The following MAB21L3 variants were observed in gnomAD, a reference collection of about 807,000 sequenced individuals.
MAB21L3 encodes protein mab-21-like 3.
Under a neutral mutation model 37.7 loss-of-function variants are expected in MAB21L3, and 36 were observed. The ratio of observed to expected loss-of-function variants is 0.96; its 90% CI spans 0.73 to 1.26. MAB21L3 has a LOEUF of 1.26. Among genes scored for constraint, MAB21L3 ranks in the 50% most tolerant of loss-of-function variants. The pLI, the probability that MAB21L3 is intolerant of heterozygous loss-of-function variation, is 0.00. For missense variants in MAB21L3, 430 were observed against 447.3 expected (o/e 0.96, Z 0.35); for synonymous variants, 186 against 176.8 (o/e 1.05, Z -0.41).
In MAB21L3 at chr1:116,124,152, C is replaced by T. The variant is rs763523595; in HGVS notation, c.276C>T (p.Tyr92=). ...YREAREQHWR[Y]YTLQGTRLPC... ...AGGCCAGGGAGCAGCACTGGCGGTA[C>T]TACACACTGCAGGGCACCAGGCTGC... The change falls in exon 5 of 8, where the codon TAC becomes TAT. Residue 92 remains tyrosine, a synonymous_variant. Coordinates refer to ENST00000369500, the MANE Select transcript of MAB21L3 (RefSeq NM_152367.3). The T allele has an allele frequency of 6.2e-7, 1 of 1,614,256 alleles. No homozygotes were observed. The highest frequency in any genetic ancestry group is 8.5e-7 in the Non-Finnish European group (1 of 1,180,044).
intron 3 of MAB21L3, among the ~76,000 whole-genome samples, chr1:116,117,162 C>CATACATATATATAT (rs1553230659): frequency 3.5e-5 from 4 of 114,570 alleles, no homozygotes; most frequent in African/African-American, 1.4e-4. Context: ...AATATACATA[C>CATACATATATATAT]ATATATATAT....
intron 3 of MAB21L3, among the ~76,000 whole-genome samples, chr1:116,116,836 A>G (rs930167856): frequency 4.6e-5 from 7 of 152,146 alleles, no homozygotes; most frequent in African/African-American, 1.7e-4. Flanking sequence ...TCTTATTCTG[A>G]CTTTCACCTT....
At chr1:116,115,785 G>C (rs1210191983) in intron 3 of MAB21L3, among the ~76,000 whole-genome samples, 3 of 152,216 alleles carry the variant, frequency 2.0e-5, no homozygotes, top group African/African-American at 7.2e-5. Context: ...AGCAGCAAAT[G>C]ACTTGTGGGG....
Position 116,121,072 on chromosome 1 carries a change from G to C in MAB21L3, c.189G>C (p.Lys63Asn), listed in dbSNP as rs1659736158. ...PYSDTYNENI[K>N]VLAPSQFLVT... Reference sequence around the variant, plus strand: ...CTGACACGTACAATGAAAATATTAAGGTAAGCAAGTCTTGCTGTCTCTAAG... The same window carrying C: ...CTGACACGTACAATGAAAATATTAACGTAAGCAAGTCTTGCTGTCTCTAAG... The change falls in exon 4 of 8, where the codon AAG becomes AAC. Residue 63 changes from lysine to asparagine, a missense_variant and splice_region_variant. Transcript: ENST00000369500. 6.2e-7 allele frequency: 1 copy of C among 1,612,426 alleles called. No individual in the cohort carries two copies. Among genetic ancestry groups the C allele is most frequent in the African/African-American group, 1.3e-5 (1 of 74,842 alleles).
Position 116,133,404 on chromosome 1 carries a change from C to G in MAB21L3, c.*39C>G, listed in dbSNP as rs1660129965. On this transcript the variant is annotated 3_prime_UTR_variant, in exon 8 of 8. Transcript: ENST00000369500. The stretch of plus-strand genomic sequence containing the variant: ...CTGGGAGGCTCTTGGACATTTTATT[C>G]TGGCTTAACATTGTTCTTTGGATGG... The G allele has an allele frequency of 3.8e-6, 6 of 1,570,002 alleles. No homozygotes were observed. In the East Asian group the frequency reaches 1.3e-4, roughly 35 times the overall value.
intron 3 of MAB21L3, among the ~76,000 whole-genome samples, chr1:116,115,287 C>T (rs1659556702): frequency 6.6e-6 from 1 of 152,170 alleles, no homozygotes; most frequent in South Asian, 2.1e-4. Context: ...TGCAAATATT[C>T]TGCGTGACCC....
In MAB21L3 at chr1:116,134,848, T is replaced by TC. The variant is rs1660168275; in HGVS notation, c.*1484dup. ...TTCTCGGTGAGATCAATGGTTTTTT[T>TC]CTGGCGTTTATGTAATGCTTCTCAA... On this transcript the variant is annotated 3_prime_UTR_variant, in exon 8 of 8. Transcript: ENST00000369500. 6.6e-6 allele frequency: 1 copy of TC among 152,154 alleles called. No homozygotes were observed. The highest frequency in any genetic ancestry group is 2.4e-5 in the African/African-American group (1 of 41,426). 9.4% of individuals were successfully genotyped at this position (152,154 alleles called of 1,614,324 possible).
intron 5 of MAB21L3, among the ~76,000 whole-genome samples, chr1:116,126,204 G>A (rs547564117): frequency 1.1e-3 from 172 of 152,240 alleles, no homozygotes; most frequent in African/African-American, 3.2e-3. Context: ...AGCAAATAAG[G>A]ATGAATAGAT....
rs1306633223 is a variant in MAB21L3, at chr1:116,135,832, A to T, written c.*2467A>T. 6.6e-6 allele frequency among the ~76,000 whole-genome samples: 1 copy of T among 150,764 alleles called. No individual in the cohort carries two copies. Among genetic ancestry groups the T allele is most frequent in the Non-Finnish European group, 1.5e-5 (1 of 67,062 alleles). On this transcript the variant is annotated 3_prime_UTR_variant, in exon 8 of 8. Transcript: ENST00000369500. ...TGCAAGGCTGGTTCAATATACGCAAATCAATAAATGTAATCCAGCATATAA... is the reference window on the plus strand; with the variant it reads ...TGCAAGGCTGGTTCAATATACGCAATTCAATAAATGTAATCCAGCATATAA...
chr1:116,127,259 T>C (rs1659934219), intron 5 of MAB21L3, among the ~76,000 whole-genome samples: 2 of 152,210 alleles, frequency 1.3e-5, no homozygotes, highest in Non-Finnish European at 2.9e-5. Flanking sequence ...GTTCCGATGC[T>C]GGCTAGCTGA....
In MAB21L3 at chr1:116,135,740, G is replaced by A. The variant is rs1182588785; in HGVS notation, c.*2375G>A. Among the ~76,000 whole-genome samples, 1 of 152,168 alleles carries A rather than the reference G, an allele frequency of 6.6e-6. No homozygotes were observed. The highest frequency in any genetic ancestry group is 1.5e-5 in the Non-Finnish European group (1 of 68,042). ...TGCAAAAATCCTCAGTAAAATTCTG[G>A]CAAACCGAATCCAGCAGCACATCAA... On this transcript the variant is annotated 3_prime_UTR_variant, in exon 8 of 8. Coordinates refer to ENST00000369500, the MANE Select transcript of MAB21L3 (RefSeq NM_152367.3).
intron 3 of MAB21L3, among the ~76,000 whole-genome samples, chr1:116,118,224 A>G (rs1659646462): frequency 6.6e-6 from 1 of 152,116 alleles, no homozygotes; most frequent in African/African-American, 2.4e-5. Flanking sequence ...TCTACTAAAA[A>G]TACAAAAATT....
intron 6 of MAB21L3, 151 bp from the exon 7 acceptor site, chr1:116,127,994 G>A: frequency 1.3e-6 from 1 of 775,368 alleles, no homozygotes; most frequent in Non-Finnish European, 2.0e-6. Flanking sequence ...GGTGGCTTGT[G>A]GTCTCCCTGG....
intron 4 of MAB21L3, 140 bp downstream of exon 4, chr1:116,121,212 C>A: frequency 1.1e-6 from 1 of 906,174 alleles, no homozygotes; most frequent in South Asian, 1.7e-5. Context: ...TTAGTTTTTA[C>A]TATTTACAGT....
intron 5 of MAB21L3, among the ~76,000 whole-genome samples, chr1:116,125,641 C>T (rs1452569894): frequency 6.9e-6 from 1 of 145,760 alleles, no homozygotes. Context: ...TTTGTCTAGA[C>T]AGAATAGTTC....
chr1:116,122,778 A>G (rs1659789584), intron 4 of MAB21L3, among the ~76,000 whole-genome samples: 1 of 152,188 alleles, frequency 6.6e-6, no homozygotes, highest in South Asian at 2.1e-4. Flanking sequence ...ATATTGCCCA[A>G]GCTGCTCAAC....
chr1:116,124,432 G>T (rs1032951434), intron 5 of MAB21L3, 75 bp downstream of exon 5: 21 of 1,347,578 alleles, frequency 1.6e-5, no homozygotes, highest in Non-Finnish European at 1.7e-5. Flanking sequence ...CTGTTTGGGT[G>T]TTACCTGCAG....
intron 7 of MAB21L3, among the ~76,000 whole-genome samples, chr1:116,132,873 G>A (rs1269590114): frequency 6.6e-6 from 1 of 152,140 alleles, no homozygotes; most frequent in African/African-American, 2.4e-5. Flanking sequence ...AAAGTAGGAG[G>A]CAAAGACATT....
chr1:116,121,884 C>G (rs952945738), intron 4 of MAB21L3, among the ~76,000 whole-genome samples: 5 of 152,172 alleles, frequency 3.3e-5, no homozygotes, highest in African/African-American at 4.8e-5. Context: ...GAAGTGAGAT[C>G]CTGAATCATT....
Sources: allele counts gnomAD v4.1 joint callset (sites outside exome capture counted in the v4.1 genomes callset), GRCh38; gene constraint gnomAD v4.1.1; transcripts MANE v1.5; gene names NCBI Gene and HGNC (gene_info 2026-07-23, HGNC 2026-07-21).